TCF7L2: variants seen among roughly 807,000 people sequenced by gnomAD.
TCF7L2 encodes transcription factor 7-like 2.
A neutral mutation model predicts 77.9 loss-of-function variants in TCF7L2; 23 were observed. The observed-to-expected ratio is 0.30, with a 90% CI of 0.21 to 0.42. TCF7L2 has a LOEUF of 0.42. Ranked by LOEUF, TCF7L2 falls within the 10% of genes least tolerant of loss-of-function variation. The pLI is 1.00. For synonymous variants in TCF7L2, 413 were observed against 340.2 expected (o/e 1.21, Z -2.36); for missense variants, 654 against 793.1 (o/e 0.82, Z 2.11).
Position 112,950,816 on chromosome 10 carries a change from C to A in TCF7L2, c.60C>A (p.Ser20=), listed in dbSNP as rs764425409. 1.2e-6 allele frequency: 2 copies of A among 1,601,036 alleles called. No homozygotes were observed. The highest frequency in any genetic ancestry group is 1.7e-6 in the Non-Finnish European group (2 of 1,172,978). The change falls in exon 1 of 14, where the codon TCC becomes TCA. Residue 20 remains serine (S), a synonymous_variant. Coordinates refer to ENST00000627217, the MANE Select transcript of TCF7L2 (RefSeq NM_001146274.2). Reference sequence around the variant, plus strand: ...TAGGCGCCAACGACGAACTGATTTCCTTCAAAGACGAGGGCGAACAGGAGG... The same window carrying A: ...TAGGCGCCAACGACGAACTGATTTCATTCAAAGACGAGGGCGAACAGGAGG...
chr10:113,002,424 G>T, intron 4 of TCF7L2, among the ~76,000 whole-genome samples: 1 of 152,266 alleles, frequency 6.6e-6, no homozygotes, highest in Admixed American at 6.5e-5. Flanking sequence ...GGCATCTCGT[G>T]GGCAGAGGCT....
intron 5 of TCF7L2, among the ~76,000 whole-genome samples, chr10:113,113,549 G>T (rs962948699): frequency 5.3e-5 from 8 of 152,190 alleles, no homozygotes; most frequent in Non-Finnish European, 1.0e-4. Context: ...AGAAGGAGAT[G>T]TGAGGCATTT....
intron 4 of TCF7L2, among the ~76,000 whole-genome samples, chr10:113,036,115 CCATCATCATCATCATCATCATCATCAT>C (rs71869784): frequency 2.7e-5 from 4 of 146,480 alleles, no homozygotes; most frequent in Non-Finnish European, 6.0e-5. Flanking sequence ...ATCATCATCA[CCATCATCATCATCATCATCATCATCAT>C]CATCATCATC....
intron 4 of TCF7L2, among the ~76,000 whole-genome samples, chr10:113,005,762 T>C (rs551654393): frequency 6.6e-6 from 1 of 152,116 alleles, no homozygotes; most frequent in East Asian, 1.9e-4. Context: ...TATCCCAAAT[T>C]GCTTGCCTGG....
At chr10:113,165,288 C>CA (rs1212826032) in intron 13 of TCF7L2, among the ~76,000 whole-genome samples, 1 of 152,108 alleles carries the variant, frequency 6.6e-6, no homozygotes, top group African/African-American at 2.4e-5. Flanking sequence ...CATGGTGGGG[C>CA]ATGGGTGTTT....
At chr10:113,090,332 T>C (rs1008785315) in intron 5 of TCF7L2, among the ~76,000 whole-genome samples, 1 of 152,206 alleles carries the variant, frequency 6.6e-6, no homozygotes, top group Non-Finnish European at 1.5e-5. Flanking sequence ...ATGAACCAAA[T>C]AATAAAGCCT....
chr10:113,037,340 C>T (rs985599467), intron 4 of TCF7L2, among the ~76,000 whole-genome samples: 1 of 152,128 alleles, frequency 6.6e-6, no homozygotes, highest in Non-Finnish European at 1.5e-5. Context: ...GGGGCTGTCA[C>T]TGTGGAGTCC....
intron 5 of TCF7L2, among the ~76,000 whole-genome samples, chr10:113,098,257 C>T (rs1469897292): frequency 2.0e-5 from 3 of 152,146 alleles, no homozygotes; most frequent in East Asian, 1.9e-4. Flanking sequence ...GCAAAATCTA[C>T]AAGATCCAGG....
chr10:113,135,156 G>T (rs1431859720), intron 5 of TCF7L2, among the ~76,000 whole-genome samples: 1 of 152,190 alleles, frequency 6.6e-6, no homozygotes, highest in African/African-American at 2.4e-5. Flanking sequence ...TCTTTCACTT[G>T]CCAAGTTCCA....
rs116820495 is a variant in TCF7L2 at position 113,130,351 on chromosome 10, T to C, written c.553-10833T>C. 6.8e-3 allele frequency among the ~76,000 whole-genome samples: 1,037 copies of C among 152,288 alleles called. 16 individuals carry two copies. The highest frequency in any genetic ancestry group is 0.023 in the African/African-American group (959 of 41,542). On this transcript the variant is annotated intron_variant, in intron 5 of 13. Transcript: ENST00000627217. ...TTCTTCTAACAAATAATTGTTTTCTTCACCCACCAGGGTGGGCTCCATCAG... is the reference window on the plus strand; with the variant it reads ...TTCTTCTAACAAATAATTGTTTTCTCCACCCACCAGGGTGGGCTCCATCAG...
chr10:113,110,563 C>T (rs189840791), intron 5 of TCF7L2, among the ~76,000 whole-genome samples: 1 of 152,170 alleles, frequency 6.6e-6, no homozygotes, highest in Admixed American at 6.5e-5. Flanking sequence ...TTCTCACAAG[C>T]CTGGCTGCCC....
At chr10:112,994,099 A>G (rs949612465) in intron 4 of TCF7L2, among the ~76,000 whole-genome samples, 1 of 152,004 alleles carries the variant, frequency 6.6e-6, no homozygotes, top group African/African-American at 2.4e-5. Flanking sequence ...AGATATTTAG[A>G]AACCATAAAA....
chr10:112,985,517 A>C (rs1300614376), intron 4 of TCF7L2, among the ~76,000 whole-genome samples: 1 of 152,246 alleles, frequency 6.6e-6, no homozygotes, highest in Non-Finnish European at 1.5e-5. Context: ...TAAGTCCAGA[A>C]ACAACATGCC....
At position 112,964,408 on chromosome 10, in the gene TCF7L2, G is replaced by A. The variant is rs140590470; in HGVS notation, c.382-148G>A. 27 of 663,930 alleles carry A rather than the reference G, an allele frequency of 4.1e-5. 1 individual carries two copies. In the Admixed American group the frequency reaches 6.2e-4, roughly 15 times the overall value. The allele number at this position is 663,930 out of a possible 1,614,324, so 41.1% of individuals were successfully genotyped here. On this transcript the variant is annotated intron_variant, in intron 3 of 13. Transcript: ENST00000627217. ...GATTGTTATGATCATCTTATCCATA[G>A]CAACAAATGAAAGTACACAGGTCTT...
chr10:113,086,814 G>A (rs1334814424), intron 5 of TCF7L2, among the ~76,000 whole-genome samples: 1 of 151,686 alleles, frequency 6.6e-6, no homozygotes, highest in Non-Finnish European at 1.5e-5. Context: ...AGATTCTGTA[G>A]TTGTATATAC....
At chr10:113,074,896 C>T (rs1050305315) in intron 5 of TCF7L2, among the ~76,000 whole-genome samples, 1 of 152,140 alleles carries the variant, frequency 6.6e-6, no homozygotes, top group Non-Finnish European at 1.5e-5. Flanking sequence ...TAGGGCAACC[C>T]CTCACCCTCC....
intron 11 of TCF7L2, among the ~76,000 whole-genome samples, chr10:113,154,517 A>T (rs2071433114): frequency 6.6e-6 from 1 of 152,182 alleles, no homozygotes; most frequent in Non-Finnish European, 1.5e-5. Context: ...TATGTCATTT[A>T]CACTGGGGTC....
At chr10:113,159,088 C>G (rs2072573816) in intron 12 of TCF7L2, among the ~76,000 whole-genome samples, 1 of 150,318 alleles carries the variant, frequency 6.7e-6, no homozygotes, top group Non-Finnish European at 1.5e-5. Context: ...TTTTTCATTG[C>G]TCCCACTAAG....
chr10:113,138,135 G>C (rs1256256543), intron 5 of TCF7L2, among the ~76,000 whole-genome samples: 18 of 152,136 alleles, frequency 1.2e-4, no homozygotes, highest in Admixed American at 1.2e-3. Flanking sequence ...CTTTCACAGG[G>C]ACCTGCCTGG....
Sources: gnomAD v4.1 joint callset for allele counts (sites outside exome capture counted in the v4.1 genomes callset) on GRCh38, gnomAD v4.1.1 for gene constraint, MANE v1.5 for transcripts, NCBI Gene and HGNC (gene_info 2026-07-23, HGNC 2026-07-21) for gene names.